MEI4: variants seen among roughly 807,000 people sequenced by gnomAD.
MEI4 encodes the protein meiotic double-stranded break formation protein 4.
In MEI4, 27 loss-of-function variants were observed where a neutral mutation model predicts 31.4. The observed-to-expected ratio is 0.86, with a 90% confidence interval of 0.63 to 1.19. MEI4 has a LOEUF of 1.19. Among genes scored for constraint, MEI4 ranks in the 50% most tolerant of loss-of-function variants. The pLI, the probability that MEI4 is intolerant of heterozygous loss-of-function variation, is 0.00. For synonymous variants in MEI4, 122 were observed against 145.4 expected, an observed-to-expected ratio of 0.84 and a Z score of 1.16; for missense variants, 329 against 398.9, an observed-to-expected ratio of 0.82 and a Z score of 1.49.
At chr6:77,783,431 G>T (rs1768646285) in intron 3 of MEI4, among the ~76,000 whole-genome samples, 4 of 152,156 alleles carry the variant, frequency 2.6e-5, no homozygotes, top group Admixed American at 1.3e-4. Context: ...AGATGAAGCT[G>T]ACAGCTCTAC....
At chr6:77,749,708 C>T (rs1330774918) in intron 2 of MEI4, among the ~76,000 whole-genome samples, 1 of 152,112 alleles carries the variant, frequency 6.6e-6, no homozygotes, top group Non-Finnish European at 1.5e-5. Context: ...GGCTATTAGC[C>T]AGGAGAACTT....
rs867452707 is a variant in MEI4 at position 77,812,477 on chromosome 6, T to C, written c.769-16454T>C. Among the ~76,000 whole-genome samples, 24 of 152,240 alleles carry C rather than the reference T, an allele frequency of 1.6e-4. 1 individual carries two copies. The highest frequency in any genetic ancestry group is 2.1e-4 in the South Asian group (1 of 4,826). The stretch of plus-strand genomic sequence containing the variant: ...GGTTTTGAAAGAGAAACTAGAAAGA[T>C]AGACTAAACTATATGCTTAGAGTGT... On this transcript the variant is annotated intron_variant, in intron 3 of 4. Coordinates refer to ENST00000684080, the MANE Select transcript of MEI4 (RefSeq NM_001322247.2).
chr6:77,923,382 A>G lies in MEI4; in HGVS notation c.*36A>G. ...TAGCAATTTACCACGTTTGAAGCAT[A>G]ATAAAGTAGAATATATGAAAATCTC... is the stretch of plus-strand genomic sequence containing the variant. On this transcript the variant is annotated 3_prime_UTR_variant, in exon 5 of 5. Transcript: ENST00000684080. 1 of 1,218,148 alleles carries G rather than the reference A, an allele frequency of 8.2e-7. No individual in the cohort carries two copies. Among genetic ancestry groups the G allele is most frequent in the Middle Eastern group, 3.2e-4 (1 of 3,164 alleles). 75.5% of individuals were successfully genotyped at this position (1,218,148 alleles called of 1,614,324 possible). A position where few individuals can be genotyped will look rare whatever the true frequency, so the allele number is the denominator to read the frequency against.
rs1767322165 is a variant in MEI4, at chr6:77,738,841, G to T, written c.233-22289G>T. Among the ~76,000 whole-genome samples the T allele has an allele frequency of 3.9e-5, 6 of 152,322 alleles. No individual in the cohort carries two copies. In the South Asian group the frequency reaches 1.2e-3, roughly 32 times the overall value. On this transcript the variant is annotated intron_variant, in intron 2 of 4. Coordinates refer to ENST00000684080, the MANE Select transcript of MEI4 (RefSeq NM_001322247.2). ...TTGATTTGCATTTCTCTAATGAGCA[G>T]TGTTGATGAGCTTTTTCTCATATGT...
At chr6:77,775,045 A>G (rs1012625031) in intron 3 of MEI4, among the ~76,000 whole-genome samples, 2 of 152,058 alleles carry the variant, frequency 1.3e-5, no homozygotes, top group South Asian at 2.1e-4. Context: ...CCATCTTCAC[A>G]TAATCTCCAC....
chr6:77,736,724 C>T (rs1211938263), intron 2 of MEI4, among the ~76,000 whole-genome samples: 2 of 152,082 alleles, frequency 1.3e-5, no homozygotes, highest in Admixed American at 6.5e-5. Context: ...AAGTTTAAGC[C>T]CTGCCCATAG....
At chr6:77,801,904 C>A (rs941015845) in intron 3 of MEI4, among the ~76,000 whole-genome samples, 1 of 152,078 alleles carries the variant, frequency 6.6e-6, no homozygotes, top group Non-Finnish European at 1.5e-5. Flanking sequence ...AATATGTGGT[C>A]AATTTTGGAA....
chr6:77,715,709 C>G (rs1356520560), intron 2 of MEI4, among the ~76,000 whole-genome samples: 4 of 152,128 alleles, frequency 2.6e-5, no homozygotes, highest in Non-Finnish European at 4.4e-5. Flanking sequence ...AGAGTGTTAG[C>G]TATGGAATCA....
At chr6:77,749,167 C>G (rs1045208763) in intron 2 of MEI4, among the ~76,000 whole-genome samples, 3 of 152,104 alleles carry the variant, frequency 2.0e-5, no homozygotes, top group African/African-American at 7.2e-5. Context: ...TGGGGAGAAA[C>G]CAGTGCAAAA....
In MEI4 at chr6:77,816,501, C is replaced by T. The variant is rs141494209; in HGVS notation, c.769-12430C>T. 1.4e-3 allele frequency among the ~76,000 whole-genome samples: 212 copies of T among 152,174 alleles called. 1 individual carries two copies. Among genetic ancestry groups the T allele is most frequent in the African/African-American group, 4.5e-3 (186 of 41,524 alleles). Reference sequence around the variant, plus strand: ...TTTTTTATGGCCGCATAGTATTCCACAGTGTATATGTGCCACATTTTCTTA... The same window carrying T: ...TTTTTTATGGCCGCATAGTATTCCATAGTGTATATGTGCCACATTTTCTTA... On this transcript the variant is annotated intron_variant, in intron 3 of 4. Transcript: ENST00000684080.
chr6:77,667,543 T>C (rs1476113487), intron 1 of MEI4, among the ~76,000 whole-genome samples: 1 of 152,184 alleles, frequency 6.6e-6, no homozygotes, highest in East Asian at 1.9e-4. Context: ...TCTTTCCCAC[T>C]GAGCTGTGTG....
chr6:77,803,818 A>G (rs1231130472), intron 3 of MEI4, among the ~76,000 whole-genome samples: 1 of 152,076 alleles, frequency 6.6e-6, no homozygotes, highest in African/African-American at 2.4e-5. Flanking sequence ...TTGCTGCCCG[A>G]TCGTTCCTAT....
intron 4 of MEI4, among the ~76,000 whole-genome samples, chr6:77,917,130 G>A (rs376604961): frequency 1.6e-4 from 24 of 151,736 alleles, no homozygotes; most frequent in Admixed American, 2.6e-4. Context: ...ATAGTATTCC[G>A]TGGTGTATAT....
intron 2 of MEI4, among the ~76,000 whole-genome samples, chr6:77,734,254 G>C (rs1272345123): frequency 2.0e-5 from 3 of 152,006 alleles, no homozygotes; most frequent in African/African-American, 7.3e-5. Flanking sequence ...ATTAATGTGT[G>C]GGAGTCTAAG....
intron 1 of MEI4, among the ~76,000 whole-genome samples, chr6:77,683,558 C>G (rs2127649989): frequency 6.6e-6 from 1 of 152,136 alleles, no homozygotes; most frequent in African/African-American, 2.4e-5. Flanking sequence ...CTCCCCTTTT[C>G]TCTCTGGCCC....
rs62418031 is a variant in MEI4 at position 77,747,145 on chromosome 6, C to T, written c.233-13985C>T. 2.4e-3 allele frequency among the ~76,000 whole-genome samples: 370 copies of T among 152,088 alleles called. 3 individuals carry two copies. The highest frequency in any genetic ancestry group is 2.6e-3 in the Admixed American group (40 of 15,256). On this transcript the variant is annotated intron_variant, in intron 2 of 4. Transcript: ENST00000684080. ...TGACTAACATGGTGAAACCTCATCT[C>T]TACTAAAAATGCAAAAATTAACTGG...
At chr6:77,846,709 C>T (rs1239943913) in intron 4 of MEI4, among the ~76,000 whole-genome samples, 2 of 152,198 alleles carry the variant, frequency 1.3e-5, no homozygotes, top group East Asian at 3.8e-4. Context: ...CAGGTTGTGG[C>T]ACTTGTGTTC....
intron 2 of MEI4, among the ~76,000 whole-genome samples, chr6:77,691,803 G>T (rs1270530538): frequency 6.6e-6 from 1 of 151,876 alleles, no homozygotes; most frequent in Non-Finnish European, 1.5e-5. Context: ...GGCAAACCTG[G>T]GTTTACTTGA....
At chr6:77,840,284 G>A (rs1028994651) in intron 4 of MEI4, among the ~76,000 whole-genome samples, 6 of 152,106 alleles carry the variant, frequency 3.9e-5, no homozygotes, top group Admixed American at 2.6e-4. Flanking sequence ...CATGAAGACA[G>A]GTCAGTTGAA....
Sources: allele counts gnomAD v4.1 joint callset (sites outside exome capture counted in the v4.1 genomes callset), GRCh38; gene constraint gnomAD v4.1.1; transcripts MANE v1.5; gene names NCBI Gene and HGNC (gene_info 2026-07-23, HGNC 2026-07-21).